The following DAZAP1 variants were observed in gnomAD, a reference collection of about 807,000 sequenced individuals.
The protein encoded by DAZAP1 is DAZ-associated protein 1.
In DAZAP1, 6 loss-of-function variants were observed where a neutral mutation model predicts 60.1. That is an observed-to-expected ratio of 0.10 (90% CI 0.05 to 0.20). The LOEUF is 0.20. Among genes scored for constraint, DAZAP1 ranks in the 10% least tolerant of loss-of-function variants. The pLI, the probability that DAZAP1 is intolerant of heterozygous loss-of-function variation, is 1.00. For synonymous variants in DAZAP1, 235 were observed against 215.9 expected (o/e 1.09, Z -0.78); for missense variants, 366 against 560.4 (o/e 0.65, Z 3.50).
intron 1 of DAZAP1, among the ~76,000 whole-genome samples, chr19:1,414,170 A>G (rs2082909159): frequency 6.6e-6 from 1 of 151,834 alleles, no homozygotes. Context: ...GGTGCGCACC[A>G]CCGAGCCCAG....
At position 1,418,426 on chromosome 19, in the gene DAZAP1, G is replaced by C; in HGVS notation, c.237+56G>C. 1 of 1,590,394 alleles carries C rather than the reference G, an allele frequency of 6.3e-7. No homozygotes were observed. Among genetic ancestry groups the C allele is most frequent in the Non-Finnish European group, 8.6e-7 (1 of 1,163,692 alleles). ...TCTCTGTCTCCCCTGTCCTTCCTCT[G>C]CTTCATTTTTTCCTGGACTCTGACC... On this transcript the variant is annotated intron_variant, in intron 3 of 11. Transcript: ENST00000233078. This position sits in a 1 kb window ranked among gnomAD's most constrained non-coding sequence, Gnocchi z 5.7.
intron 1 of DAZAP1, among the ~76,000 whole-genome samples, chr19:1,410,779 A>G (rs1181741766): frequency 6.6e-6 from 1 of 152,228 alleles, no homozygotes; most frequent in Admixed American, 6.5e-5. Context: ...GCACACGGTC[A>G]TGGAACTGGA....
chr19:1,417,057 C>T, intron 1 of DAZAP1: 4 of 162,992 alleles, frequency 2.5e-5, no homozygotes, highest in South Asian at 1.4e-4. Flanking sequence ...GGCTGTAATT[C>T]AGAGGCCGTG....
chr19:1,434,843 C>CT lies in DAZAP1; in HGVS notation c.1155_1156insT (p.Ala386CysfsTer41), dbSNP rs1555786588. On this transcript the variant is annotated frameshift_variant, in exon 12 of 12. Transcript: ENST00000233078. LOFTEE classifies it high-confidence loss of function. The surrounding 1 kb of genome is among the most constrained non-coding windows in gnomAD (Gnocchi z 8.0). ...CCGTGCCAGGGTCGGGGGGCCCCCC[C>CT]GCCGGCGGCAGCGGCTTTGGACGAG... 6.2e-7 allele frequency: 1 copy of CT among 1,604,142 alleles called. No individual in the cohort carries two copies.
At position 1,428,830 on chromosome 19, in the gene DAZAP1, C is replaced by T. The variant is rs778320325; in HGVS notation, c.547-12C>T. 1.6e-5 allele frequency: 25 copies of T among 1,612,722 alleles called. 1 individual carries two copies. Among genetic ancestry groups the T allele is most frequent in the Admixed American group, 1.0e-4 (6 of 59,970 alleles). ...CGCAGCCTCGCCCTAAACCAGAGCTCGGTTTGTTTAGGTGGAAGTTAAACG... is the reference window on the plus strand; with the variant it reads ...CGCAGCCTCGCCCTAAACCAGAGCTTGGTTTGTTTAGGTGGAAGTTAAACG... On this transcript the variant is annotated splice_polypyrimidine_tract_variant and intron_variant, in intron 7 of 11. Transcript: ENST00000233078. This position sits in a 1 kb window ranked among gnomAD's most constrained non-coding sequence, Gnocchi z 4.0.
chr19:1,411,179 C>T (rs1366506268), intron 1 of DAZAP1, among the ~76,000 whole-genome samples: 2 of 152,186 alleles, frequency 1.3e-5, no homozygotes, highest in Non-Finnish European at 2.9e-5. Context: ...CTCATGGGGC[C>T]GTGCCGGCCT....
rs1359245615 is a variant in DAZAP1 at position 1,428,055 on chromosome 19, A to AT, written c.547-786dup. 2.0e-5 allele frequency: 3 copies of AT among 152,200 alleles called. No individual in the cohort carries two copies. The highest frequency in any genetic ancestry group is 2.9e-5 in the Non-Finnish European group (2 of 68,048). The allele number at this position is 152,200 out of a possible 1,614,324, so 9.4% of individuals were successfully genotyped here. A position where few individuals can be genotyped will look rare whatever the true frequency, so the allele number is the denominator to read the frequency against. ...AGGAAGGTCAGCCACTGCGCCTAGAATAAGTAGGTCAGGCCTGCTCCATCC... is the reference window on the plus strand; with the variant it reads ...AGGAAGGTCAGCCACTGCGCCTAGAATTAAGTAGGTCAGGCCTGCTCCATCC... On this transcript the variant is annotated intron_variant, in intron 7 of 11. Coordinates refer to ENST00000233078, the MANE Select transcript of DAZAP1 (RefSeq NM_018959.4). The surrounding 1 kb of genome is among the most constrained non-coding windows in gnomAD (Gnocchi z 4.0).
chr19:1,427,731 G>A (rs983685120), intron 7 of DAZAP1: 7 of 152,270 alleles, frequency 4.6e-5, no homozygotes, highest in Non-Finnish European at 7.3e-5. Flanking sequence ...TTGAGCTAAC[G>A]GATCCTGTTC....
At chr19:1,421,306 T>C in intron 5 of DAZAP1, 48 bp downstream of exon 5, 2 of 1,556,930 alleles carry the variant, frequency 1.3e-6, no homozygotes. Context: ...GAGCCGCTTC[T>C]GCTCAGGCCT....
chr19:1,431,557 G>A (rs926403555), intron 10 of DAZAP1, among the ~76,000 whole-genome samples: 1 of 152,084 alleles, frequency 6.6e-6, no homozygotes, highest in Non-Finnish European at 1.5e-5. Flanking sequence ...AGTGTCCTGA[G>A]TAGCTGGGAT....
chr19:1,415,402 T>G (rs1484596280), intron 1 of DAZAP1, among the ~76,000 whole-genome samples: 2 of 148,278 alleles, frequency 1.3e-5, no homozygotes, highest in South Asian at 2.1e-4. Flanking sequence ...TTGTTTTTTT[T>G]TTTTTTTTTG....
intron 1 of DAZAP1, among the ~76,000 whole-genome samples, chr19:1,412,056 C>T (rs1458762019): frequency 6.6e-6 from 1 of 152,216 alleles, no homozygotes; most frequent in African/African-American, 2.4e-5. Context: ...ACTGGTCCGC[C>T]TGGGAGGGCG....
chr19:1,410,323 C>G (rs2082790992), intron 1 of DAZAP1, among the ~76,000 whole-genome samples: 1 of 152,108 alleles, frequency 6.6e-6, no homozygotes, highest in Non-Finnish European at 1.5e-5. Context: ...CTCTCTGGAT[C>G]CTGGTGGGTT....
chr19:1,417,440 T>C (rs1435489816), intron 1 of DAZAP1, 60 bp from the exon 2 acceptor site: 1 of 1,555,602 alleles, frequency 6.4e-7, no homozygotes, highest in African/African-American at 1.4e-5. Flanking sequence ...TTGGCTTGGA[T>C]GGGGGCATTT....
At chr19:1,410,294 G>C (rs2082789863) in intron 1 of DAZAP1, among the ~76,000 whole-genome samples, 1 of 152,218 alleles carries the variant, frequency 6.6e-6, no homozygotes, top group South Asian at 2.1e-4. Flanking sequence ...GCATACGTGT[G>C]GTGGGGTGTG....
intron 5 of DAZAP1, among the ~76,000 whole-genome samples, chr19:1,421,508 C>T (rs923815621): frequency 2.6e-5 from 4 of 152,242 alleles, no homozygotes; most frequent in Non-Finnish European, 5.9e-5. Context: ...TCAGGGCGGC[C>T]GCCCGATTCC....
At position 1,423,268 on chromosome 19, in the gene DAZAP1, C is replaced by T. The variant is rs1437754717; in HGVS notation, c.463+872C>T. 6.6e-5 allele frequency among the ~76,000 whole-genome samples: 10 copies of T among 152,360 alleles called. No homozygotes were observed. The highest frequency in any genetic ancestry group is 1.9e-4 in the African/African-American group (8 of 41,578). On this transcript the variant is annotated intron_variant, in intron 6 of 11. Coordinates refer to ENST00000233078, the MANE Select transcript of DAZAP1 (RefSeq NM_018959.4). This position sits in a 1 kb window ranked among gnomAD's most constrained non-coding sequence, Gnocchi z 6.8. Reference sequence around the variant, plus strand: ...GGTTAGGAGTGCTCCTCCTCCATGTCGGTTACGCTGTTAAGTCTTAGTCGT... The same window carrying T: ...GGTTAGGAGTGCTCCTCCTCCATGTTGGTTACGCTGTTAAGTCTTAGTCGT...
intron 1 of DAZAP1, chr19:1,417,166 GC>G (rs1482085694): frequency 2.6e-5 from 10 of 382,488 alleles, no homozygotes; most frequent in Non-Finnish European, 4.3e-5. Context: ...AGGAAAGCGA[GC>G]CTGTGTCCCA....
Position 1,417,488 on chromosome 19 carries a change from A to G in DAZAP1, c.30-12A>G. The G allele has an allele frequency of 1.9e-6, 3 of 1,600,950 alleles. No homozygotes were observed. Among genetic ancestry groups the G allele is most frequent in the Non-Finnish European group, 2.6e-6 (3 of 1,174,114 alleles). ...CTGTCTTGATCCTGAATGTTTTCTC[A>G]TTGAATCGCAGGAAGCTCTTCGTGG... On this transcript the variant is annotated splice_polypyrimidine_tract_variant and intron_variant, in intron 1 of 11. Transcript: ENST00000233078.
Sources: allele counts gnomAD v4.1 joint callset (sites outside exome capture counted in the v4.1 genomes callset), GRCh38; gene constraint gnomAD v4.1.1; non-coding constraint Gnocchi (gnomAD v3.1); transcripts MANE v1.5; gene names NCBI Gene and HGNC (gene_info 2026-07-23, HGNC 2026-07-21).